COL22A1: variants seen among roughly 807,000 people sequenced by gnomAD.
COL22A1 encodes collagen type XXII alpha 1 chain.
Under a neutral mutation model 248.9 loss-of-function variants are expected in COL22A1, and 221 were observed. The ratio of observed to expected loss-of-function variants is 0.89; its 90% confidence interval spans 0.80 to 0.99. COL22A1 has a LOEUF of 0.99. Among genes scored for constraint, COL22A1 ranks in the 50% least tolerant of loss-of-function variants. The pLI is 0.00. For missense variants in COL22A1, 2,240 were observed against 2,179.0 expected (o/e 1.03, Z -0.56); for synonymous variants, 891 against 793.4 (o/e 1.12, Z -2.07).
chr8:138,846,997 T>A (rs1161369543), intron 3 of COL22A1, among the ~76,000 whole-genome samples: 7 of 152,208 alleles, frequency 4.6e-5, no homozygotes, highest in Admixed American at 3.3e-4. Context: ...CTCCTGGATC[T>A]TAGAGACTGC....
At chr8:138,628,724 C>T (rs1820457988) in intron 50 of COL22A1, among the ~76,000 whole-genome samples, 1 of 150,960 alleles carries the variant, frequency 6.6e-6, no homozygotes, top group African/African-American at 2.4e-5. Context: ...CAGTTTAATT[C>T]CAAGAATGTG....
intron 12 of COL22A1, among the ~76,000 whole-genome samples, chr8:138,794,878 G>T (rs931271187): frequency 3.9e-5 from 6 of 152,150 alleles, no homozygotes; most frequent in Non-Finnish European, 7.4e-5. Flanking sequence ...GAATTAAAGA[G>T]TAGAAAAGTA....
intron 16 of COL22A1, among the ~76,000 whole-genome samples, chr8:138,766,985 G>T (rs12546880): frequency 4.6e-5 from 7 of 152,056 alleles, no homozygotes; most frequent in Non-Finnish European, 5.9e-5. Context: ...CGGGCTCCGG[G>T]GTAGAGGGGA....
chr8:138,645,415 C>T (rs1056576739), intron 47 of COL22A1, among the ~76,000 whole-genome samples: 6 of 152,194 alleles, frequency 3.9e-5, no homozygotes, highest in Non-Finnish European at 8.8e-5. Flanking sequence ...CTATTCTGCC[C>T]TAACTTTCAA....
chr8:138,660,520 A>ACACGATCCTGACCCACTCTACC (rs1415492217), intron 43 of COL22A1, 40 bp from the exon 44 acceptor site: 3 of 1,591,448 alleles, frequency 1.9e-6, no homozygotes, highest in Non-Finnish European at 2.6e-6. Flanking sequence ...TGTGATAAGC[A>ACACGATCCTGACCCACTCTACC]CACGATCCTG....
intron 46 of COL22A1, among the ~76,000 whole-genome samples, chr8:138,647,340 A>C (rs186486696): frequency 1.8e-4 from 27 of 152,288 alleles, no homozygotes; most frequent in Admixed American, 1.8e-3. Context: ...AACCCAGCGA[A>C]ACCACTTCTG....
At chr8:138,895,107 T>G (rs933593162) in intron 1 of COL22A1, among the ~76,000 whole-genome samples, 2 of 151,892 alleles carry the variant, frequency 1.3e-5, no homozygotes, top group Admixed American at 6.6e-5. Context: ...TGTATTTTTT[T>G]GGGGTGGTAT....
At chr8:138,890,596 T>C (rs750138975) in intron 1 of COL22A1, among the ~76,000 whole-genome samples, 7 of 152,074 alleles carry the variant, frequency 4.6e-5, no homozygotes, top group Non-Finnish European at 8.8e-5. Flanking sequence ...TACAGGCACA[T>C]ATCACCATGT....
chr8:138,598,719 C>A lies in COL22A1; in HGVS notation c.4365G>T (p.Arg1455Ser), dbSNP rs995247337. Residue 1455 changes from arginine to serine, a missense_variant and splice_region_variant, in exon 61 of 65, where the codon AGG (arginine) becomes AGT (serine). Physicochemically the swap from Arg to Ser is moderately radical, Grantham distance 110. Transcript: ENST00000303045. Reference protein sequence around the residue: ...PPGQPGFPGLRGESPSMETLR... With the variant: ...PPGQPGFPGLSGESPSMETLR... The stretch of plus-strand genomic sequence containing the variant: ...TCCAAAGCCATATTAGCATCCTTAC[C>A]CTCAGTCCTGGAAATCCCGGCTGGC... 16 of 1,612,674 alleles carry A rather than the reference C, an allele frequency of 9.9e-6. No individual in the cohort carries two copies. The highest frequency in any genetic ancestry group is 1.8e-4 in the Middle Eastern group (1 of 5,644).
At chr8:138,787,708 C>T (rs1463900008) in intron 12 of COL22A1, among the ~76,000 whole-genome samples, 1 of 152,182 alleles carries the variant, frequency 6.6e-6, no homozygotes, top group Non-Finnish European at 1.5e-5. Flanking sequence ...ACAACAGCTG[C>T]TGTGACTCAA....
intron 60 of COL22A1, among the ~76,000 whole-genome samples, chr8:138,601,464 C>T (rs768461200): frequency 5.3e-5 from 8 of 152,066 alleles, no homozygotes; most frequent in African/African-American, 1.2e-4. Context: ...CGTCCATGTC[C>T]GTGTCGTGCA....
chr8:138,850,759 T>C (rs556898669), intron 3 of COL22A1, among the ~76,000 whole-genome samples: 3 of 152,342 alleles, frequency 2.0e-5, no homozygotes, highest in Admixed American at 1.3e-4. Context: ...ACCTCTTCCA[T>C]GTCAGTTGCC....
At chr8:138,812,871 G>A in intron 8 of COL22A1, 68 bp downstream of exon 8, 2 of 1,205,754 alleles carry the variant, frequency 1.7e-6, no homozygotes, top group East Asian at 2.3e-5. Flanking sequence ...CTAAGCTCTG[G>A]ATTCCCCTTC....
At position 138,606,452 on chromosome 8, in the gene COL22A1, C is replaced by T. The variant is rs1339777715; in HGVS notation, c.4033G>A (p.Gly1345Ser). The T allele has an allele frequency of 6.2e-7, 1 of 1,613,450 alleles. No individual in the cohort carries two copies. The highest frequency in any genetic ancestry group is 1.7e-5 in the Admixed American group (1 of 59,976). ...PGEPGPSGTP[G>S]QKGSKGENGS... is the part of the protein sequence containing the mutation. ...TTTTCCCCTTTGCTTCCTTTCTGGCCCTGCAAAGAGAAAACTGAGAATTAA... is the reference window on the plus strand; with the variant it reads ...TTTTCCCCTTTGCTTCCTTTCTGGCTCTGCAAAGAGAAAACTGAGAATTAA... Residue 1345 changes from glycine to serine, a missense_variant and splice_region_variant, in exon 58 of 65, where the codon GGC becomes AGC. Coordinates refer to ENST00000303045, the MANE Select transcript of COL22A1 (RefSeq NM_152888.3).
At chr8:138,720,935 C>T (rs1829823929) in intron 26 of COL22A1, 143 bp from the exon 27 acceptor site, 3 of 720,040 alleles carry the variant, frequency 4.2e-6, no homozygotes, top group Non-Finnish European at 7.5e-6. Flanking sequence ...ATTACCTAAC[C>T]ACAGTCATCA....
chr8:138,891,876 C>G (rs1264610452), intron 1 of COL22A1, among the ~76,000 whole-genome samples: 1 of 152,208 alleles, frequency 6.6e-6, no homozygotes, highest in Non-Finnish European at 1.5e-5. Flanking sequence ...GCAGAAGAAA[C>G]TTTCAGTTAA....
At chr8:138,820,941 T>A (rs952010235) in intron 7 of COL22A1, among the ~76,000 whole-genome samples, 195 bp downstream of exon 7, 1 of 152,206 alleles carries the variant, frequency 6.6e-6, no homozygotes, top group Non-Finnish European at 1.5e-5. Context: ...CCGAATGAGT[T>A]AATACATGGG....
In COL22A1 at chr8:138,649,756, G is replaced by A. The variant is rs1276791390; in HGVS notation, c.3356C>T (p.Pro1119Leu). 1 of 1,602,406 alleles carries A rather than the reference G, an allele frequency of 6.2e-7. No individual in the cohort carries two copies. Among genetic ancestry groups the A allele is most frequent in the Non-Finnish European group, 8.5e-7 (1 of 1,175,290 alleles). The change falls in exon 46 of 65, where the codon CCT becomes CTT. Residue 1119 changes from proline (P) to leucine (L), a missense_variant. Coordinates refer to ENST00000303045, the MANE Select transcript of COL22A1 (RefSeq NM_152888.3). ...LAKDVCNDCP[P>L]GPPGLPGLPG... is the part of the protein sequence containing the mutation. ...TAGACCAGGGAGGCCTGGGGGGCCA[G>A]GAGGGCAGTCATTGCACACATCCTG...
Position 138,623,737 on chromosome 8 carries a change from C to G in COL22A1, c.3766G>C (p.Glu1256Gln). 1 of 1,612,264 alleles carries G rather than the reference C, an allele frequency of 6.2e-7. No individual in the cohort carries two copies. Among genetic ancestry groups the G allele is most frequent in the South Asian group, 1.1e-5 (1 of 90,830 alleles). Residue 1256 changes from glutamate (E) to glutamine (Q), a missense_variant, in exon 52 of 65, where the codon GAG becomes CAG. Coordinates refer to ENST00000303045, the MANE Select transcript of COL22A1 (RefSeq NM_152888.3). ...GRDGKPGPPG[E>Q]PGKAGEPGLP... Reference sequence around the variant, plus strand: ...GGAAGTTTAGAGTCCTTTACCGGCTCTCCAGGGGGACCCGGCTTTCCATCT... The same window carrying G: ...GGAAGTTTAGAGTCCTTTACCGGCTGTCCAGGGGGACCCGGCTTTCCATCT...
Sources: allele counts gnomAD v4.1 joint callset (sites outside exome capture counted in the v4.1 genomes callset), GRCh38; gene constraint gnomAD v4.1.1; transcripts MANE v1.5; gene names NCBI Gene and HGNC (gene_info 2026-07-23, HGNC 2026-07-21).